CA5A: variants seen among roughly 807,000 people sequenced by gnomAD.
CA5A encodes the protein carbonic anhydrase 5A, also known as carbonic anhydrase 5A, mitochondrial.
CA5A carries 28 observed loss-of-function variants against 37.1 expected under a neutral mutation model. That is an observed-to-expected ratio of 0.75 (90% confidence interval 0.56 to 1.03). CA5A has a LOEUF of 1.03. CA5A is among the 50% of genes least tolerant of loss of function. The pLI is 0.00. For missense variants in CA5A, 444 were observed against 399.9 expected, an observed-to-expected ratio of 1.11 and a Z score of -0.94; for synonymous variants, 171 against 158.4, an observed-to-expected ratio of 1.08 and a Z score of -0.60.
chr16:87,920,098 G>A (rs1956574359), intron 2 of CA5A, among the ~76,000 whole-genome samples: 1 of 152,184 alleles, frequency 6.6e-6, no homozygotes, highest in Admixed American at 6.5e-5. Flanking sequence ...ACAAGGCTGA[G>A]TCACGAAGCA....
At chr16:87,917,635 G>A (rs2056167363) in intron 2 of CA5A, among the ~76,000 whole-genome samples, 1 of 149,940 alleles carries the variant, frequency 6.7e-6, no homozygotes, top group South Asian at 2.1e-4. Flanking sequence ...ACACACATGT[G>A]CGCACACACA....
At chr16:87,907,168 A>G (rs1450559882) in intron 2 of CA5A, among the ~76,000 whole-genome samples, 1 of 152,082 alleles carries the variant, frequency 6.6e-6, no homozygotes, top group Non-Finnish European at 1.5e-5. Context: ...CAGTGAGCCG[A>G]GATTGCGCCA....
At chr16:87,890,648 C>T (rs1251321054) in intron 6 of CA5A, among the ~76,000 whole-genome samples, 1 of 152,148 alleles carries the variant, frequency 6.6e-6, no homozygotes, top group African/African-American at 2.4e-5. Context: ...CAGAGTGTCA[C>T]TCTGTCACCC....
downstream of CA5A, chr16:87,884,587 C>T (rs1247328675): frequency 5.2e-5 from 7 of 134,630 alleles, no homozygotes; most frequent in South Asian, 2.4e-4. Context: ...AAAAAAAATT[C>T]GCTGGGCGTG....
chr16:87,891,648 T>G, intron 6 of CA5A, 151 bp downstream of exon 6: 1 of 702,628 alleles, frequency 1.4e-6, no homozygotes, highest in Non-Finnish European at 2.2e-6. Flanking sequence ...CCTACTTCAG[T>G]TGGAATTTTC....
chr16:87,918,643 G>A (rs753310470), intron 2 of CA5A, among the ~76,000 whole-genome samples: 9 of 152,224 alleles, frequency 5.9e-5, no homozygotes, highest in Non-Finnish European at 1.3e-4. Flanking sequence ...CTGTCCGTGT[G>A]CAGTTCTCTG....
At chr16:87,927,782 AC>A (rs2056332915) in intron 1 of CA5A, among the ~76,000 whole-genome samples, 1 of 150,674 alleles carries the variant, frequency 6.6e-6, no homozygotes, top group African/African-American at 2.4e-5. Context: ...AATGGCGTGA[AC>A]CCAGGAGGCA....
chr16:87,901,633 G>A (rs371643336), intron 5 of CA5A, among the ~76,000 whole-genome samples: 20 of 150,244 alleles, frequency 1.3e-4, no homozygotes, highest in African/African-American at 4.4e-4. Context: ...TTGTCACCCA[G>A]GCTGGAGTGC....
chr16:87,888,813 C>T (rs1159597042), intron 6 of CA5A, among the ~76,000 whole-genome samples: 15 of 152,108 alleles, frequency 9.9e-5, no homozygotes, highest in African/African-American at 2.7e-4. Flanking sequence ...GTGTCATTGG[C>T]GAGATCTCAG....
chr16:87,902,077 G>A, intron 4 of CA5A, 103 bp from the exon 5 acceptor site: 1 of 1,049,486 alleles, frequency 9.5e-7, no homozygotes, highest in African/African-American at 1.6e-5. Context: ...TCCTAGGCCA[G>A]GTGCGGTGGC....
chr16:87,927,075 C>G (rs865985105), intron 1 of CA5A, 130 bp from the exon 2 acceptor site: 15 of 682,222 alleles, frequency 2.2e-5, no homozygotes, highest in African/African-American at 7.1e-5. Flanking sequence ...CCACGGGAAA[C>G]GGGCGCGTGG....
intron 2 of CA5A, among the ~76,000 whole-genome samples, chr16:87,914,213 G>T (rs1018810975): frequency 6.6e-6 from 1 of 152,232 alleles, no homozygotes; most frequent in Non-Finnish European, 1.5e-5. Context: ...GGCTTTGCAG[G>T]AGCTCCGAGC....
chr16:87,924,313 A>C (rs116846882), intron 2 of CA5A: 1 of 985,248 alleles, frequency 1.0e-6, no homozygotes, highest in East Asian at 1.1e-4. Context: ...CACTGAGCAT[A>C]CAGGCAGCGT....
rs140359938 is a variant in CA5A at position 87,903,386 on chromosome 16, G to A, written c.460-866C>T. The stretch of plus-strand genomic sequence containing the variant: ...GCAGAGGTTGCAGTGAGCCAAGATC[G>A]TGAGATAGCGCCACTGCACTCCAGC... On this transcript the variant is annotated intron_variant, in intron 3 of 6. Transcript: ENST00000649794. Among the ~76,000 whole-genome samples, 23 of 151,720 alleles carry A rather than the reference G, an allele frequency of 1.5e-4. No individual in the cohort carries two copies. The East Asian group carries it at 2.2e-3, about 14-fold the overall frequency.
chr16:87,922,567 C>T (rs969977460), intron 2 of CA5A, among the ~76,000 whole-genome samples: 2 of 152,228 alleles, frequency 1.3e-5, no homozygotes, highest in African/African-American at 2.4e-5. Context: ...AGGGTTGGGG[C>T]GTGGGTTTGT....
chr16:87,897,629 G>A (rs1369131003), intron 5 of CA5A, among the ~76,000 whole-genome samples: 3 of 152,222 alleles, frequency 2.0e-5, no homozygotes, highest in African/African-American at 7.2e-5. Context: ...TGCAGCAGGG[G>A]CTGGAGCTCA....
chr16:87,930,940 C>T (rs996657735), intron 1 of CA5A, among the ~76,000 whole-genome samples: 5 of 151,668 alleles, frequency 3.3e-5, no homozygotes, highest in East Asian at 1.9e-4. Context: ...GGGGTTTCAC[C>T]GTGTTGGCTA....
intron 2 of CA5A, among the ~76,000 whole-genome samples, chr16:87,908,528 C>T (rs2055998655): frequency 6.6e-6 from 1 of 152,214 alleles, no homozygotes; most frequent in Non-Finnish European, 1.5e-5. Context: ...ACGCCAACTG[C>T]ATGAGGCATA....
At chr16:87,893,235 C>T (rs2055751080) in intron 5 of CA5A, 1 of 417,738 alleles carries the variant, frequency 2.4e-6, no homozygotes. Flanking sequence ...TCCAGCGATC[C>T]TCCTGCCTCA....
Sources: gnomAD v4.1 joint callset for allele counts (sites outside exome capture counted in the v4.1 genomes callset) on GRCh38, gnomAD v4.1.1 for gene constraint, MANE v1.5 for transcripts, NCBI Gene and HGNC (gene_info 2026-07-23, HGNC 2026-07-21) for gene names.